Variants in RIMS2 observed in about 807,000 individuals in gnomAD.
RIMS2 encodes the protein regulating synaptic membrane exocytosis 2.
RIMS2 carries 59 observed loss-of-function variants against 174.4 expected under a neutral mutation model. That is an observed-to-expected ratio of 0.34 (90% CI 0.27 to 0.42). The LOEUF is 0.42. Ranked by LOEUF, RIMS2 falls within the 10% of genes least tolerant of loss-of-function variation. The pLI, the probability that RIMS2 is intolerant of heterozygous loss-of-function variation, is 1.00. For missense variants in RIMS2, 1,620 were observed against 1,666.3 expected, an observed-to-expected ratio of 0.97 and a Z score of 0.48; for synonymous variants, 606 against 572.5, an observed-to-expected ratio of 1.06 and a Z score of -0.84.
intron 14 of RIMS2, among the ~76,000 whole-genome samples, chr8:103,957,293 A>T (rs1018501659): frequency 3.3e-5 from 5 of 152,234 alleles, no homozygotes; most frequent in Admixed American, 1.3e-4. Context: ...GTAAGGACAC[A>T]TGTACATGTA....
chr8:103,869,361 A>T (rs1331595632), intron 3 of RIMS2, among the ~76,000 whole-genome samples: 1 of 151,868 alleles, frequency 6.6e-6, no homozygotes, highest in Non-Finnish European at 1.5e-5. Flanking sequence ...ACGCCCAGCT[A>T]ATTTTTTTAT....
At chr8:103,514,276 T>G (rs1488022592) in intron 1 of RIMS2, among the ~76,000 whole-genome samples, 1 of 152,230 alleles carries the variant, frequency 6.6e-6, no homozygotes, top group African/African-American at 2.4e-5. Context: ...TGTCCTCTCT[T>G]CATTTACCAT....
At chr8:103,569,956 G>A (rs371533129) in intron 1 of RIMS2, among the ~76,000 whole-genome samples, 1 of 151,912 alleles carries the variant, frequency 6.6e-6, no homozygotes, top group Admixed American at 6.6e-5. Context: ...ACATGCAATT[G>A]TTTTCATAAT....
At chr8:103,619,978 G>T (rs1002783642) in intron 1 of RIMS2, among the ~76,000 whole-genome samples, 1 of 151,990 alleles carries the variant, frequency 6.6e-6, no homozygotes, top group Non-Finnish European at 1.5e-5. Context: ...ATCTATAAAT[G>T]GACTTATTTT....
intron 16 of RIMS2, among the ~76,000 whole-genome samples, chr8:103,980,996 G>A (rs929590137): frequency 6.6e-6 from 1 of 152,172 alleles, no homozygotes; most frequent in African/African-American, 2.4e-5. Context: ...CAGGGCCTAG[G>A]GGAACTTACC....
At chr8:103,788,845 C>T (rs1000748498) in intron 3 of RIMS2, among the ~76,000 whole-genome samples, 1 of 152,204 alleles carries the variant, frequency 6.6e-6, no homozygotes, top group South Asian at 2.1e-4. Context: ...CAAGCCTGGG[C>T]AATGGCGGGC....
chr8:103,599,983 TACTC>T (rs2094645659), intron 1 of RIMS2, among the ~76,000 whole-genome samples: 1 of 152,148 alleles, frequency 6.6e-6, no homozygotes. Context: ...AATATGGTCT[TACTC>T]ATTCTTTCAA....
At chr8:104,215,099 G>A (rs774432722) in intron 19 of RIMS2, among the ~76,000 whole-genome samples, 1 of 152,120 alleles carries the variant, frequency 6.6e-6, no homozygotes, top group Non-Finnish European at 1.5e-5. Flanking sequence ...AAAATAAAGT[G>A]TCTGCAATTT....
intron 4 of RIMS2, among the ~76,000 whole-genome samples, chr8:103,892,689 G>A (rs1000429731): frequency 7.2e-5 from 11 of 152,018 alleles, no homozygotes; most frequent in African/African-American, 2.7e-4. Context: ...GATGTTACAT[G>A]GATATAATAA....
intron 3 of RIMS2, among the ~76,000 whole-genome samples, chr8:103,852,981 A>T (rs770242972): frequency 2.0e-5 from 3 of 152,030 alleles, no homozygotes; most frequent in Non-Finnish European, 4.4e-5. Flanking sequence ...GAATCTCCAA[A>T]CTGCTTTCCA....
chr8:103,799,307 A>G (rs1223169830), intron 3 of RIMS2, among the ~76,000 whole-genome samples: 1 of 152,192 alleles, frequency 6.6e-6, no homozygotes, highest in East Asian at 1.9e-4. Flanking sequence ...TCTTTACCTC[A>G]ACAATGGAAA....
chr8:104,148,556 T>C (rs2098662534), intron 19 of RIMS2, 51 bp from the exon 25 acceptor site: 1 of 1,512,586 alleles, frequency 6.6e-7, no homozygotes, highest in Non-Finnish European at 8.9e-7. Flanking sequence ...GCATTTTCTG[T>C]CTTTTCCTTT....
intron 19 of RIMS2, among the ~76,000 whole-genome samples, chr8:104,242,105 A>T (rs893515459): frequency 2.0e-5 from 3 of 152,104 alleles, no homozygotes; most frequent in African/African-American, 7.2e-5. Context: ...TGAAATCATA[A>T]ATATTAACTT....
intron 19 of RIMS2, among the ~76,000 whole-genome samples, chr8:104,046,335 A>G (rs1169462666): frequency 6.6e-6 from 1 of 152,066 alleles, no homozygotes; most frequent in Non-Finnish European, 1.5e-5. Flanking sequence ...CAAAAGCTCC[A>G]TCTGCTAATA....
Position 104,094,047 on chromosome 8 carries a change from A to G in RIMS2, c.3334+79432A>G, listed in dbSNP as rs141459974. ...TACTTTTTCAGTAGGATGCTTTCCT[A>G]TCCTCTTGAAATTTTTATATATGCA... On this transcript the variant is annotated intron_variant, in intron 19 of 23. Transcript: ENST00000504942. 2.0e-5 allele frequency among the ~76,000 whole-genome samples: 3 copies of G among 152,050 alleles called. No individual in the cohort carries two copies. The East Asian group carries it at 5.8e-4, about 29-fold the overall frequency.
chr8:103,638,248 A>C (rs1369707159), intron 1 of RIMS2, among the ~76,000 whole-genome samples: 1 of 152,084 alleles, frequency 6.6e-6, no homozygotes, highest in Non-Finnish European at 1.5e-5. Context: ...TAGACATCAA[A>C]ACCACAGTAA....
intron 14 of RIMS2, among the ~76,000 whole-genome samples, chr8:103,955,552 C>G (rs1020109812): frequency 2.0e-5 from 3 of 152,132 alleles, no homozygotes; most frequent in Admixed American, 1.3e-4. Flanking sequence ...ATTCAACACC[C>G]CTTCATGCTA....
chr8:104,100,511 G>A (rs1189290558), intron 19 of RIMS2, among the ~76,000 whole-genome samples: 1 of 151,968 alleles, frequency 6.6e-6, no homozygotes, highest in Non-Finnish European at 1.5e-5. Context: ...ATGTTGGGTA[G>A]AAGAGGCTCA....
intron 17 of RIMS2, among the ~76,000 whole-genome samples, chr8:103,994,155 T>C (rs933960085): frequency 6.6e-6 from 1 of 152,106 alleles, no homozygotes; most frequent in Non-Finnish European, 1.5e-5. Flanking sequence ...CTCCCATTTT[T>C]GCAGTTCTTT....
Sources: allele counts gnomAD v4.1 joint callset (sites outside exome capture counted in the v4.1 genomes callset), GRCh38; gene constraint gnomAD v4.1.1; transcripts MANE v1.5; gene names NCBI Gene and HGNC (gene_info 2026-07-23, HGNC 2026-07-21).